The following OGFR variants were observed in gnomAD, a reference collection of about 807,000 sequenced individuals.
OGFR encodes opioid growth factor receptor.
OGFR carries 18 observed loss-of-function variants against 33.6 expected under a neutral mutation model. That is an observed-to-expected ratio of 0.54 (90% CI 0.37 to 0.80). The LOEUF is 0.80. Among genes scored for constraint, OGFR ranks in the 30% least tolerant of loss-of-function variants. The pLI, the probability that OGFR is intolerant of heterozygous loss-of-function variation, is 0.00. For synonymous variants in OGFR, 370 were observed against 400.7 expected, an observed-to-expected ratio of 0.92 and a Z score of 0.91; for missense variants, 877 against 955.8, an observed-to-expected ratio of 0.92 and a Z score of 1.09.
In OGFR at chr20:62,812,524, G is replaced by T; in HGVS notation, c.909G>T (p.Pro303=). 6.3e-7 allele frequency: 1 copy of T among 1,585,014 alleles called. No individual in the cohort carries two copies. The highest frequency in any genetic ancestry group is 8.6e-7 in the Non-Finnish European group (1 of 1,166,296). Reference sequence around the variant, plus strand: ...TCAAGCCCAGCTCTCTGCCCCATCCGCTCGAGGGCTCCAGGAAGGTGGAGG... The same window carrying T: ...TCAAGCCCAGCTCTCTGCCCCATCCTCTCGAGGGCTCCAGGAAGGTGGAGG... ...RRFKPSSLPH[P]LEGSRKVEEE... The change falls in exon 7 of 7, where the codon CCG becomes CCT. Residue 303 remains proline (P), a synonymous_variant. Coordinates refer to ENST00000290291, the MANE Select transcript of OGFR (RefSeq NM_007346.4).
intron 5 of OGFR, 150 bp from the exon 6 acceptor site, chr20:62,811,312 A>G (rs1030271125): frequency 6.8e-6 from 6 of 885,370 alleles, no homozygotes; most frequent in Non-Finnish European, 1.0e-5. Flanking sequence ...AGCCTGGGCA[A>G]CAGAGCAAGA....
rs374072481 is a variant in OGFR, at chr20:62,810,493, C to T, written c.399-6C>T. On this transcript the variant is annotated splice_polypyrimidine_tract_variant and splice_region_variant and intron_variant, in intron 4 of 6. Transcript: ENST00000290291. ...ATCCCTTGCCTGAGCATCTCTTCTCCTGCAGGCTGTTTCCTCTGCGAGAAC... is the reference window on the plus strand; with the variant it reads ...ATCCCTTGCCTGAGCATCTCTTCTCTTGCAGGCTGTTTCCTCTGCGAGAAC... 6 of 1,613,100 alleles carry T rather than the reference C, an allele frequency of 3.7e-6. No individual in the cohort carries two copies. The African/African-American group carries it at 4.0e-5, about 11-fold the overall frequency.
Position 62,813,355 on chromosome 20 carries a change from G to C in OGFR, c.1740G>C (p.Glu580Asp), listed in dbSNP as rs200135858. Residue 580 changes from glutamate (E) to aspartate (D), a missense_variant, in exon 7 of 7, where the codon GAG becomes GAC. Glu to Asp is a conservative substitution (Grantham distance 45, BLOSUM62 2). Around this residue, in one of 3 missense-constraint regions of OGFR, gnomAD observed 72 missense variants for 181.8 expected, o/e 0.40. Coordinates refer to ENST00000290291, the MANE Select transcript of OGFR (RefSeq NM_007346.4). ...AGDEPAESPS[E>D]TPGPSPAGPT... ...ACGAGCCAGCCGAGAGCCCATCGGA[G>C]ACCCCAGGCCCCAGCCCGGCAGGAC... 9.7e-6 allele frequency: 15 copies of C among 1,540,952 alleles called. No individual in the cohort carries two copies. Among genetic ancestry groups the C allele is most frequent in the South Asian group, 9.4e-5 (8 of 84,796 alleles).
chr20:62,805,018 C>G lies in OGFR; in HGVS notation c.159C>G (p.Pro53=). ...CGGAGGAGCCGCGGGCGGCGCGGCC[C>G]AGCTCGTTCCAGGTGCGGCCCCGCG... ...EESEEPRAAR[P]SSFQSRMTGS... Residue 53 remains proline, a synonymous_variant, in exon 1 of 7, where the codon CCC becomes CCG. Coordinates refer to ENST00000290291, the MANE Select transcript of OGFR (RefSeq NM_007346.4). The G allele has an allele frequency of 7.0e-7, 1 of 1,420,156 alleles. No homozygotes were observed. Among genetic ancestry groups the G allele is most frequent in the Non-Finnish European group, 9.2e-7 (1 of 1,091,428 alleles). The allele number at this position is 1,420,156 out of a possible 1,614,324, so 88.0% of individuals were successfully genotyped here. A position where few individuals can be genotyped will look rare whatever the true frequency, so the allele number is the denominator to read the frequency against.
rs1368752904 is a variant in OGFR, at chr20:62,812,446, C to T, written c.831C>T (p.His277=). 7.6e-6 allele frequency: 12 copies of T among 1,581,536 alleles called. No individual in the cohort carries two copies. In the South Asian group the frequency reaches 8.0e-5, roughly 11 times the overall value. Residue 277 remains histidine (H), a synonymous_variant, in exon 7 of 7, where the codon CAC becomes CAT. Transcript: ENST00000290291. ...AGCTGGTGCACTTCGCCTGGGAGCACTTCCGGCCCCGCTGCAAGTTCGTCT... is the reference window on the plus strand; with the variant it reads ...AGCTGGTGCACTTCGCCTGGGAGCATTTCCGGCCCCGCTGCAAGTTCGTCT... ...RRQLVHFAWE[H]FRPRCKFVWG...
At chr20:62,807,742 G>A in intron 2 of OGFR, 137 bp downstream of exon 2, 1 of 827,322 alleles carries the variant, frequency 1.2e-6, no homozygotes, top group Non-Finnish European at 2.0e-6. Flanking sequence ...ACCCTGCCTG[G>A]GGCACAGCCT....
At position 62,813,789 on chromosome 20, in the gene OGFR, C is replaced by A; in HGVS notation, c.*140C>A. The A allele has an allele frequency of 9.7e-7, 1 of 1,027,360 alleles. No individual in the cohort carries two copies. The highest frequency in any genetic ancestry group is 1.4e-6 in the Non-Finnish European group (1 of 690,800). 63.6% of individuals were successfully genotyped at this position (1,027,360 alleles called of 1,614,324 possible). ...CCACAGTGCTGGCCTCCTGTGGGGC[C>A]ACTATAGCAGCCACCAGAAGCCGCG... On this transcript the variant is annotated 3_prime_UTR_variant, in exon 7 of 7. Transcript: ENST00000290291.
rs1568742277 is a variant in OGFR, at chr20:62,813,619, G to A, written c.2004G>A (p.Val668=). 6 of 1,612,772 alleles carry A rather than the reference G, an allele frequency of 3.7e-6. No homozygotes were observed. The highest frequency in any genetic ancestry group is 5.1e-6 in the Non-Finnish European group (6 of 1,179,902). The change falls in exon 7 of 7, where the codon GTG becomes GTA. Residue 668 remains valine, a synonymous_variant. Coordinates refer to ENST00000290291, the MANE Select transcript of OGFR (RefSeq NM_007346.4). ...CAGCAGAGTTGCAGGACGCAGAGGT[G>A]GAGTCTTCTGCCAAGTCTGGGAAGC... ...GEAAELQDAE[V]ESSAKSGKP
At chr20:62,810,220 C>G (rs374905572) in intron 4 of OGFR, among the ~76,000 whole-genome samples, 4 of 152,188 alleles carry the variant, frequency 2.6e-5, no homozygotes, top group African/African-American at 9.7e-5. Context: ...CCTGTCCGCC[C>G]GGGCTGGATG....
intron 6 of OGFR, 24 bp downstream of exon 6, chr20:62,811,634 A>T: frequency 1.7e-6 from 1 of 587,884 alleles, no homozygotes; most frequent in Non-Finnish European, 2.7e-6. Flanking sequence ...GCTCCCGCCC[A>T]CCCCCACCCC....
At chr20:62,809,540 G>C (rs1250550469) in intron 3 of OGFR, 45 bp from the exon 4 acceptor site, 1 of 1,504,260 alleles carries the variant, frequency 6.6e-7, no homozygotes, top group South Asian at 1.1e-5. Flanking sequence ...CCTGAGCACG[G>C]GCAGGGTGGC....
Position 62,809,646 on chromosome 20 carries a change from T to C in OGFR, c.381T>C (p.Asn127=), listed in dbSNP as rs1010996262. Residue 127 remains asparagine, a synonymous_variant, in exon 4 of 7, where the codon AAT becomes AAC. Transcript: ENST00000290291. ...WTDNYDLLED[N]HSYIQWLFPL... ...ACAACTATGACCTCCTTGAGGACAATCACTCCTACATCCAGTGGTGAGTTG... is the reference window on the plus strand; with the variant it reads ...ACAACTATGACCTCCTTGAGGACAACCACTCCTACATCCAGTGGTGAGTTG... The C allele has an allele frequency of 6.5e-7, 1 of 1,538,304 alleles. No homozygotes were observed. Among genetic ancestry groups the C allele is most frequent in the Admixed American group, 1.7e-5 (1 of 57,352 alleles).
rs769484338 is a variant in OGFR at position 62,812,722 on chromosome 20, C to T, written c.1107C>T (p.His369=). 35 of 1,595,290 alleles carry T rather than the reference C, an allele frequency of 2.2e-5. 1 individual carries two copies. In the Admixed American group the frequency reaches 3.4e-4, roughly 15 times the overall value. The change falls in exon 7 of 7, where the codon CAC becomes CAT. Residue 369 remains histidine, a synonymous_variant. Coordinates refer to ENST00000290291, the MANE Select transcript of OGFR (RefSeq NM_007346.4). ...ERSQGDEAGG[H]GEDRPEPLSP... ...GCCAGGGGGATGAGGCAGGGGGCCA[C>T]GGGGAAGATAGGCCGGAGCCCTTAA...
intron 2 of OGFR, 135 bp from the exon 3 acceptor site, chr20:62,808,108 AGAGT>A (rs1990638205): frequency 2.1e-5 from 16 of 756,694 alleles, no homozygotes; most frequent in Non-Finnish European, 3.9e-5. Context: ...CCCCACCTGC[AGAGT>A]GAGGAGCCAG....
At chr20:62,807,690 G>A in intron 2 of OGFR, 85 bp downstream of exon 2, 1 of 1,409,896 alleles carries the variant, frequency 7.1e-7, no homozygotes, top group South Asian at 1.2e-5. Flanking sequence ...CTACTGGAAG[G>A]CTGGCCTGGC....
At position 62,811,679 on chromosome 20, in the gene OGFR, G is replaced by A. The variant is rs1990731876; in HGVS notation, c.614+69G>A. ...CAGGGCCACGTCAGGTTTCGGGCAG[G>A]TCACAGAGCGCTGCTGCAGACGGAG... On this transcript the variant is annotated intron_variant, in intron 6 of 6. Transcript: ENST00000290291. 15 of 1,460,842 alleles carry A rather than the reference G, an allele frequency of 1.0e-5. No homozygotes were observed. In the South Asian group the frequency reaches 1.4e-4, roughly 13 times the overall value. The allele number at this position is 1,460,842 out of a possible 1,614,324, so 90.5% of individuals were successfully genotyped here. A position where few individuals can be genotyped will look rare whatever the true frequency, so the allele number is the denominator to read the frequency against.
In OGFR at chr20:62,812,647, GC is replaced by G; in HGVS notation, c.1036del (p.Gln346SerfsTer32). The G allele has an allele frequency of 6.4e-7, 1 of 1,557,376 alleles. No homozygotes were observed. Among genetic ancestry groups the G allele is most frequent in the Non-Finnish European group, 8.7e-7 (1 of 1,152,534 alleles). ...SKGGGRVDEGPQPRSVEPQDA... is the reference protein window; with the variant it reads ...SKGGGRVDEGXQPRSVEPQDA... ...AGGGTGGGGGCAGGGTGGACGAGGG[GC>G]CCCAGCCACGGAGCGTGGAGCCCCA... On this transcript the variant is annotated frameshift_variant, in exon 7 of 7. Transcript: ENST00000290291. LOFTEE classifies it low-confidence loss of function (END_TRUNC).
rs1717403881 is a variant in OGFR at position 62,805,139 on chromosome 20, G to C, written c.171+109G>C. ...GCGGAGACACCTGGAGCCTCCTGGAGCTCCCGCAGCCCCGGGGACCCCCCC... is the reference window on the plus strand; with the variant it reads ...GCGGAGACACCTGGAGCCTCCTGGACCTCCCGCAGCCCCGGGGACCCCCCC... On this transcript the variant is annotated intron_variant, in intron 1 of 6. Coordinates refer to ENST00000290291, the MANE Select transcript of OGFR (RefSeq NM_007346.4). 17 of 858,834 alleles carry C rather than the reference G, an allele frequency of 2.0e-5. 2 individuals are homozygous for C. Among genetic ancestry groups the C allele is most frequent in the Middle Eastern group, 7.9e-4 (2 of 2,520 alleles). 53.2% of individuals were successfully genotyped at this position (858,834 alleles called of 1,614,324 possible).
rs767615759 is a variant in OGFR at position 62,812,818 on chromosome 20, T to C, written c.1203T>C (p.Pro401=). 3 of 1,612,518 alleles carry C rather than the reference T, an allele frequency of 1.9e-6. No individual in the cohort carries two copies. Among genetic ancestry groups the C allele is most frequent in the Non-Finnish European group, 8.5e-7 (1 of 1,179,864 alleles). The change falls in exon 7 of 7, where the codon CCT becomes CCC. Residue 401 remains proline (P), a synonymous_variant. Transcript: ENST00000290291. Reference sequence around the variant, plus strand: ...AGCAGCCGCCCACAGAGCCAGGCCCTCAGAGTGCCTCAGAGGTGGAGAAGA... The same window carrying C: ...AGCAGCCGCCCACAGAGCCAGGCCCCCAGAGTGCCTCAGAGGTGGAGAAGA... ...RREQPPTEPG[P]QSASEVEKIA...
Sources: allele counts gnomAD v4.1 joint callset (sites outside exome capture counted in the v4.1 genomes callset), GRCh38; gene constraint gnomAD v4.1.1; regional missense constraint gnomAD v4.1.1; transcripts MANE v1.5; gene names NCBI Gene and HGNC (gene_info 2026-07-23, HGNC 2026-07-21).